Variants in NRDE2 observed in about 807,000 individuals in gnomAD.
NRDE2 encodes nuclear exosome regulator NRDE2.
A neutral mutation model predicts 124.2 loss-of-function variants in NRDE2; 76 were observed. The ratio of observed to expected loss-of-function variants is 0.61; its 90% confidence interval spans 0.51 to 0.74. The LOEUF (loss-of-function observed/expected upper bound fraction) is 0.74. NRDE2 is among the 30% of genes least tolerant of loss of function. The probability of loss-of-function intolerance (pLI) is 0.00; values close to 1 mark genes in which losing one functional copy is unlikely to be tolerated. For missense variants in NRDE2, 1,314 were observed against 1,417.3 expected (o/e 0.93, Z 1.17); for synonymous variants, 489 against 528.1 (o/e 0.93, Z 1.01).
chr14:90,305,206 A>G lies in NRDE2; in HGVS notation c.558-824T>C, dbSNP rs116728814. On this transcript the variant is annotated intron_variant, in intron 4 of 13. Transcript: ENST00000354366. The stretch of plus-strand genomic sequence containing the variant: ...TAGTCAACAAGGACATGCAAATTAA[A>G]ACCACAATGAGGTACCCCACACACC... 7.4e-3 allele frequency among the ~76,000 whole-genome samples: 1,133 copies of G among 152,302 alleles called. 18 individuals are homozygous for G. Among genetic ancestry groups the G allele is most frequent in the African/African-American group, 0.026 (1,064 of 41,566 alleles).
intron 4 of NRDE2, among the ~76,000 whole-genome samples, chr14:90,307,634 G>A (rs1884662046): frequency 1.3e-5 from 2 of 152,120 alleles, no homozygotes; most frequent in African/African-American, 4.8e-5. Flanking sequence ...TCAGCACTTT[G>A]GGAGGCCAAG....
intron 1 of NRDE2, among the ~76,000 whole-genome samples, chr14:90,323,113 A>G (rs988358271): frequency 2.6e-5 from 4 of 152,256 alleles, no homozygotes; most frequent in Non-Finnish European, 4.4e-5. Context: ...CATCAGGCAG[A>G]AAAACCACTT....
At chr14:90,313,560 C>A (rs1028987853) in intron 3 of NRDE2, among the ~76,000 whole-genome samples, 3 of 152,126 alleles carry the variant, frequency 2.0e-5, no homozygotes, top group South Asian at 4.1e-4. Flanking sequence ...AATGTGTAGG[C>A]TGGCAGACTT....
intron 4 of NRDE2, among the ~76,000 whole-genome samples, chr14:90,310,685 A>G (rs1047285254): frequency 1.3e-5 from 2 of 152,068 alleles, no homozygotes; most frequent in Non-Finnish European, 2.9e-5. Flanking sequence ...ATGCCCAGCT[A>G]ATTTTTGTAT....
intron 7 of NRDE2, among the ~76,000 whole-genome samples, chr14:90,298,878 G>C (rs1884282978): frequency 6.6e-6 from 1 of 152,222 alleles, no homozygotes; most frequent in African/African-American, 2.4e-5. Flanking sequence ...TATTTTGAGA[G>C]GAAGGTTCCA....
At chr14:90,314,131 G>A (rs1164719688) in intron 3 of NRDE2, among the ~76,000 whole-genome samples, 2 of 152,314 alleles carry the variant, frequency 1.3e-5, no homozygotes, top group African/African-American at 4.8e-5. Context: ...TGTGTGCAAG[G>A]AAGGAGCTGC....
At position 90,270,259 on chromosome 14, in the gene NRDE2, T is replaced by C; in HGVS notation, c.*8077A>G. 6.2e-7 allele frequency: 1 copy of C among 1,613,630 alleles called. No homozygotes were observed. The highest frequency in any genetic ancestry group is 8.5e-7 in the Non-Finnish European group (1 of 1,179,860). On this transcript the variant is annotated 3_prime_UTR_variant, in exon 14 of 14. Coordinates refer to ENST00000354366, the MANE Select transcript of NRDE2 (RefSeq NM_017970.4). ...ATGAAAAGACGAAGAAGCGCATCTT[T>C]CAGATTCACACAAGCAGGATGACGC...
chr14:90,271,874 T>C lies in NRDE2; in HGVS notation c.*6462A>G, dbSNP rs1891675237. On this transcript the variant is annotated 3_prime_UTR_variant, in exon 14 of 14. Coordinates refer to ENST00000354366, the MANE Select transcript of NRDE2 (RefSeq NM_017970.4). ...ATTTGTGTTTAGTCTAGGTGTCTCA[T>C]GCTTTATTTCAGAACAGATTTTTTT... The C allele has an allele frequency of 6.6e-6, 1 of 152,204 alleles. No homozygotes were observed. Among genetic ancestry groups the C allele is most frequent in the African/African-American group, 2.4e-5 (1 of 41,204 alleles). 9.4% of individuals were successfully genotyped at this position (152,204 alleles called of 1,614,324 possible).
At chr14:90,303,851 T>A (rs1884496499) in intron 5 of NRDE2, 84 bp downstream of exon 5, 1 of 1,247,934 alleles carries the variant, frequency 8.0e-7, no homozygotes, top group Non-Finnish European at 1.1e-6. Context: ...CCTCATTTGC[T>A]CAAAAATTGC....
Position 90,288,311 on chromosome 14 carries a change from C to CA in NRDE2, c.3063dup (p.Asp1022Ter). 1.2e-6 allele frequency: 2 copies of CA among 1,614,134 alleles called. No individual in the cohort carries two copies. Among genetic ancestry groups the CA allele is most frequent in the South Asian group, 2.2e-5 (2 of 91,074 alleles). ...GGTTTGGCAGACCTGGTGATTGTGTCAAAAAATCTCCTGGTTTTGCTGGCA... is the reference window on the plus strand; with the variant it reads ...GGTTTGGCAGACCTGGTGATTGTGTCAAAAAAATCTCCTGGTTTTGCTGGCA... On this transcript the variant is annotated frameshift_variant, in exon 11 of 14. Coordinates refer to ENST00000354366, the MANE Select transcript of NRDE2 (RefSeq NM_017970.4). LOFTEE classifies it high-confidence loss of function.
rs547713118 is a variant in NRDE2, at chr14:90,272,858, C to T, written c.*5478G>A. The T allele has an allele frequency of 7.2e-5, 11 of 153,336 alleles. No individual in the cohort carries two copies. Among genetic ancestry groups the T allele is most frequent in the Non-Finnish European group, 1.3e-4 (9 of 68,734 alleles). The allele number at this position is 153,336 out of a possible 1,614,324, so 9.5% of individuals were successfully genotyped here. A position where few individuals can be genotyped will look rare whatever the true frequency, so the allele number is the denominator to read the frequency against. Reference sequence around the variant, plus strand: ...TTCGTTGTTTAAATAATAAAGGCTGCGTTAATGTGGCTATTGCTTCCAAAG... The same window carrying T: ...TTCGTTGTTTAAATAATAAAGGCTGTGTTAATGTGGCTATTGCTTCCAAAG... On this transcript the variant is annotated 3_prime_UTR_variant, in exon 14 of 14. Coordinates refer to ENST00000354366, the MANE Select transcript of NRDE2 (RefSeq NM_017970.4). This position sits in a 1 kb window ranked among gnomAD's most constrained non-coding sequence, Gnocchi z 4.5.
intron 3 of NRDE2, among the ~76,000 whole-genome samples, chr14:90,315,102 G>T (rs541979908): frequency 6.8e-6 from 1 of 147,674 alleles, no homozygotes; most frequent in Admixed American, 6.9e-5. Context: ...GCTTGAGCCC[G>T]GGAGGCAGAG....
rs376064250 is a variant in NRDE2 at position 90,306,238 on chromosome 14, C to T, written c.558-1856G>A. ...TCTTCTGTCAGCTCCCAGGAAGCTC[C>T]GCTCCACTTCACCTTGGTTCAGGGC... is the stretch of plus-strand genomic sequence containing the variant. On this transcript the variant is annotated intron_variant, in intron 4 of 13. Coordinates refer to ENST00000354366, the MANE Select transcript of NRDE2 (RefSeq NM_017970.4). 4.6e-5 allele frequency among the ~76,000 whole-genome samples: 7 copies of T among 152,334 alleles called. No homozygotes were observed. The East Asian group carries it at 7.7e-4, about 17-fold the overall frequency.
chr14:90,317,923 G>A, intron 2 of NRDE2, 82 bp downstream of exon 2: 1 of 958,478 alleles, frequency 1.0e-6, no homozygotes, highest in Non-Finnish European at 1.6e-6. Flanking sequence ...TTTTATTAGA[G>A]TTTTCTAAGG....
intron 4 of NRDE2, among the ~76,000 whole-genome samples, chr14:90,309,454 C>T (rs1042012926): frequency 4.3e-5 from 5 of 115,864 alleles, no homozygotes; most frequent in Non-Finnish European, 6.6e-5. Context: ...ACCTGGGCGA[C>T]AGAGCAAGAC....
At chr14:90,323,409 C>T (rs1297785849) in intron 1 of NRDE2, among the ~76,000 whole-genome samples, 1 of 152,098 alleles carries the variant, frequency 6.6e-6, no homozygotes, top group African/African-American at 2.4e-5. Flanking sequence ...AGTTCTACAT[C>T]CATTCCCCTT....
At chr14:90,287,650 G>GT (rs1257508730) in intron 11 of NRDE2, among the ~76,000 whole-genome samples, 1 of 151,828 alleles carries the variant, frequency 6.6e-6, no homozygotes, top group African/African-American at 2.4e-5. Flanking sequence ...AGAAAATATC[G>GT]TATCAAAGAT....
At chr14:90,311,941 T>C (rs1884856251) in intron 4 of NRDE2, among the ~76,000 whole-genome samples, 1 of 152,246 alleles carries the variant, frequency 6.6e-6, no homozygotes, top group Non-Finnish European at 1.5e-5. Context: ...ATTTTTATGA[T>C]TATCTGATGG....
chr14:90,292,425 C>T (rs1049031777), intron 9 of NRDE2, among the ~76,000 whole-genome samples: 10 of 152,288 alleles, frequency 6.6e-5, no homozygotes, highest in African/African-American at 2.4e-4. Flanking sequence ...AGAGGGGTGA[C>T]CACAAGGGCC....
Sources: allele counts gnomAD v4.1 joint callset (sites outside exome capture counted in the v4.1 genomes callset), GRCh38; gene constraint gnomAD v4.1.1; non-coding constraint Gnocchi (gnomAD v3.1); transcripts MANE v1.5; gene names NCBI Gene and HGNC (gene_info 2026-07-23, HGNC 2026-07-21).